Variants in PDE6G observed in about 807,000 individuals in gnomAD.
PDE6G encodes the protein phosphodiesterase 6G.
PDE6G carries 10 observed loss-of-function variants against 10.9 expected under a neutral mutation model. The ratio of observed to expected loss-of-function variants is 0.91; its 90% CI spans 0.56 to 1.55. The LOEUF (loss-of-function observed/expected upper bound fraction) is 1.55, where lower values mean the gene tolerates loss of function less well. PDE6G is among the 40% of genes most tolerant of loss of function. PDE6G has a pLI of 0.00. For missense variants in PDE6G, 102 were observed against 110.1 expected (o/e 0.93, Z 0.33); for synonymous variants, 41 against 42.8 (o/e 0.96, Z 0.16).
intron 1 of PDE6G, among the ~76,000 whole-genome samples, chr17:81,654,063 G>A (rs1355314716): frequency 1.3e-5 from 2 of 152,118 alleles, no homozygotes; most frequent in Admixed American, 6.6e-5. Context: ...TGATCCACCC[G>A]CCTCAGCCTC....
rs75689557 is a variant in PDE6G at position 81,653,904 on chromosome 17, G to A, written c.-59-540C>T. ...CGGCTCACTGCAACCTCCGCCTCCC[G>A]GGTTCAAGTGATTCTCCTGCCTCAG... On this transcript the variant is annotated intron_variant, in intron 1 of 3. Transcript: ENST00000331056. This position sits in a 1 kb window ranked among gnomAD's most constrained non-coding sequence, Gnocchi z 5.2. 2.0e-5 allele frequency among the ~76,000 whole-genome samples: 3 copies of A among 152,076 alleles called. No individual in the cohort carries two copies. Among genetic ancestry groups the A allele is most frequent in the Admixed American group, 6.5e-5 (1 of 15,268 alleles).
intron 1 of PDE6G, among the ~76,000 whole-genome samples, chr17:81,655,320 T>C (rs976155560): frequency 6.6e-6 from 1 of 152,126 alleles, no homozygotes; most frequent in Non-Finnish European, 1.5e-5. Flanking sequence ...CCCCACTTCA[T>C]AGAGGGACAA....
In PDE6G at chr17:81,652,214, G is replaced by A. The variant is rs527438823; in HGVS notation, c.147-529C>T. Among the ~76,000 whole-genome samples, 43 of 151,856 alleles carry A rather than the reference G, an allele frequency of 2.8e-4. No homozygotes were observed. The South Asian group carries it at 5.0e-3, about 18-fold the overall frequency. ...ATGGGAGCGAGATGCCCGTGTGTGCGCATGTGTGAGTGGACACTCCTCGGT... is the reference window on the plus strand; with the variant it reads ...ATGGGAGCGAGATGCCCGTGTGTGCACATGTGTGAGTGGACACTCCTCGGT... On this transcript the variant is annotated intron_variant, in intron 2 of 3. Transcript: ENST00000331056.
chr17:81,662,239 G>A (rs1189107542), intron 1 of PDE6G, among the ~76,000 whole-genome samples: 1 of 152,060 alleles, frequency 6.6e-6, no homozygotes, highest in Non-Finnish European at 1.5e-5. Flanking sequence ...GTCAACCTTC[G>A]CAAAATAACC....
upstream of PDE6G, among the ~76,000 whole-genome samples, chr17:81,657,671 G>C (rs538817260): frequency 1.3e-4 from 19 of 151,502 alleles, no homozygotes; most frequent in African/African-American, 4.6e-4. Flanking sequence ...ACAAGGTCAG[G>C]AGATCGAGAC....
intron 1 of PDE6G, among the ~76,000 whole-genome samples, chr17:81,661,981 A>G (rs2036516608): frequency 6.6e-6 from 1 of 151,958 alleles, no homozygotes; most frequent in Non-Finnish European, 1.5e-5. Context: ...CAGTGAGCCA[A>G]GATCGCACCA....
At chr17:81,661,845 T>G (rs1598725032) in intron 1 of PDE6G, among the ~76,000 whole-genome samples, 5 of 109,038 alleles carry the variant, frequency 4.6e-5, no homozygotes, top group Non-Finnish European at 3.5e-5. Context: ...TGCGACAGAG[T>G]GAGACTCTGT....
upstream of PDE6G, among the ~76,000 whole-genome samples, chr17:81,661,452 C>G (rs1393837794): frequency 6.6e-6 from 1 of 152,232 alleles, no homozygotes; most frequent in East Asian, 1.9e-4. Flanking sequence ...CACAGTGGCT[C>G]ATGCCTGTAA....
At chr17:81,654,538 C>T (rs1490515578) in intron 1 of PDE6G, among the ~76,000 whole-genome samples, 1 of 152,008 alleles carries the variant, frequency 6.6e-6, no homozygotes, top group Non-Finnish European at 1.5e-5. Context: ...CGCCACCACA[C>T]CCAGCTAATT....
upstream of PDE6G, among the ~76,000 whole-genome samples, chr17:81,658,505 G>A (rs2036477686): frequency 6.6e-6 from 1 of 151,940 alleles, no homozygotes; most frequent in Non-Finnish European, 1.5e-5. Flanking sequence ...GGGACAGAGA[G>A]AGACCCTATC....
At position 81,653,192 on chromosome 17, in the gene PDE6G, G is replaced by A. The variant is rs1203460440; in HGVS notation, c.114C>T (p.Phe38=). The A allele has an allele frequency of 1.9e-6, 3 of 1,614,074 alleles. No homozygotes were observed. The highest frequency in any genetic ancestry group is 2.5e-6 in the Non-Finnish European group (3 of 1,180,020). Reference sequence around the variant, plus strand: ...CGCCTTTCTTTGGGGGCTTGCTCTTGAACTGCCTGGTCTGTCGCTGCTTAA... The same window carrying A: ...CGCCTTTCTTTGGGGGCTTGCTCTTAAACTGCCTGGTCTGTCGCTGCTTAA... ...PKFKQRQTRQ[F]KSKPPKKGVQ... is the part of the protein sequence containing the mutation. The change falls in exon 2 of 4, where the codon TTC becomes TTT. Residue 38 remains phenylalanine, a synonymous_variant. Coordinates refer to ENST00000331056, the MANE Select transcript of PDE6G (RefSeq NM_002602.4). This position sits in a 1 kb window ranked among gnomAD's most constrained non-coding sequence, Gnocchi z 5.2.
Position 81,653,163 on chromosome 17 carries a change from T to TG in PDE6G, c.142dup (p.Gln48ProfsTer59). On this transcript the variant is annotated frameshift_variant, in exon 2 of 4. Transcript: ENST00000331056. LOFTEE classifies it high-confidence loss of function. The surrounding 1 kb of genome is among the most constrained non-coding windows in gnomAD (Gnocchi z 5.2). ...CCCATCCCCCAGCTCTGCTTACCCT[T>TG]GAACGCCTTTCTTTGGGGGCTTGCT... is the stretch of plus-strand genomic sequence containing the variant. 6.2e-7 allele frequency: 1 copy of TG among 1,614,030 alleles called. No individual in the cohort carries two copies. Among genetic ancestry groups the TG allele is most frequent in the East Asian group, 2.2e-5 (1 of 44,854 alleles).
chr17:81,656,984 C>A (rs1426517304), upstream of PDE6G: 10 of 270,362 alleles, frequency 3.7e-5, no homozygotes, highest in East Asian at 8.8e-4. Flanking sequence ...CAAGGACCCC[C>A]CCCCGCCCTT....
At chr17:81,659,427 C>T (rs1471742019), upstream of PDE6G, among the ~76,000 whole-genome samples, 1 of 151,402 alleles carries the variant, frequency 6.6e-6, no homozygotes, top group Non-Finnish European at 1.5e-5. Context: ...AGTGAAACCC[C>T]ATCTCTACTA....
intron 1 of PDE6G, among the ~76,000 whole-genome samples, chr17:81,654,333 C>T (rs1847701438): frequency 6.7e-6 from 1 of 150,260 alleles, no homozygotes; most frequent in African/African-American, 2.5e-5. Context: ...CGAGTTAGCC[C>T]TGATTCCAGG....
Position 81,651,983 on chromosome 17 carries a change from T to C in PDE6G, c.147-298A>G, listed in dbSNP as rs1431122773. On this transcript the variant is annotated intron_variant, in intron 2 of 3. Coordinates refer to ENST00000331056, the MANE Select transcript of PDE6G (RefSeq NM_002602.4). The surrounding 1 kb of genome is among the most constrained non-coding windows in gnomAD (Gnocchi z 4.8). ...TGGGGGAGTACGGGGGGGTGCGTGGTTGGTGCATGGTCTGAGTGTAGATTT... is the reference window on the plus strand; with the variant it reads ...TGGGGGAGTACGGGGGGGTGCGTGGCTGGTGCATGGTCTGAGTGTAGATTT... Among the ~76,000 whole-genome samples the C allele has an allele frequency of 2.0e-5, 3 of 152,086 alleles. No individual in the cohort carries two copies. Among genetic ancestry groups the C allele is most frequent in the Non-Finnish European group, 4.4e-5 (3 of 67,998 alleles).
At chr17:81,657,241 G>A (rs2036457789), upstream of PDE6G, among the ~76,000 whole-genome samples, 1 of 152,210 alleles carries the variant, frequency 6.6e-6, no homozygotes, top group Non-Finnish European at 1.5e-5. Flanking sequence ...TCCCACCAAA[G>A]GGGCGTGCTG....
chr17:81,652,540 G>C (rs893100122), intron 2 of PDE6G, among the ~76,000 whole-genome samples: 1 of 151,930 alleles, frequency 6.6e-6, no homozygotes, highest in Non-Finnish European at 1.5e-5. Context: ...GCCTCCCAAA[G>C]TGCTGGGATT....
intron 1 of PDE6G, among the ~76,000 whole-genome samples, chr17:81,662,495 C>T (rs1315784276): frequency 1.3e-5 from 2 of 151,908 alleles, no homozygotes; most frequent in Admixed American, 6.6e-5. Context: ...CTGTGGGGCA[C>T]GCCTGTAGTC....
Sources: gnomAD v4.1 joint callset for allele counts (sites outside exome capture counted in the v4.1 genomes callset) on GRCh38, gnomAD v4.1.1 for gene constraint, Gnocchi (gnomAD v3.1) non-coding constraint, MANE v1.5 for transcripts, NCBI Gene and HGNC (gene_info 2026-07-23, HGNC 2026-07-21) for gene names.